The following B3GLCT variants were observed in gnomAD, a reference collection of about 807,000 sequenced individuals.
The protein encoded by B3GLCT is beta-1,3-glucosyltransferase.
In B3GLCT, 65 loss-of-function variants were observed where a neutral mutation model predicts 63.4. The observed-to-expected ratio is 1.03, with a 90% confidence interval of 0.84 to 1.26. B3GLCT has a LOEUF of 1.26. B3GLCT is among the 50% of genes most tolerant of loss of function. The pLI, the probability that B3GLCT is intolerant of heterozygous loss-of-function variation, is 0.00. For missense variants in B3GLCT, 577 were observed against 604.8 expected, an observed-to-expected ratio of 0.95 and a Z score of 0.48; for synonymous variants, 233 against 219.2, an observed-to-expected ratio of 1.06 and a Z score of -0.55.
chr13:31,241,175 T>C (rs1441441540), intron 4 of B3GLCT, among the ~76,000 whole-genome samples: 1 of 152,196 alleles, frequency 6.6e-6, no homozygotes, highest in Non-Finnish European at 1.5e-5. Context: ...ACCCCTTTGC[T>C]TCCTGGAGAA....
At chr13:31,299,736 A>T (rs1326661647) in intron 12 of B3GLCT, among the ~76,000 whole-genome samples, 1 of 152,202 alleles carries the variant, frequency 6.6e-6, no homozygotes, top group Non-Finnish European at 1.5e-5. Flanking sequence ...GGAAGTCCAC[A>T]GGGATACCTG....
intron 6 of B3GLCT, among the ~76,000 whole-genome samples, chr13:31,257,142 T>G (rs983210629): frequency 6.6e-6 from 1 of 152,180 alleles, no homozygotes; most frequent in Non-Finnish European, 1.5e-5. Context: ...AGCTGAATAC[T>G]GCAATTAAGA....
At chr13:31,269,331 T>C in intron 8 of B3GLCT, 54 bp downstream of exon 8, 1 of 1,344,996 alleles carries the variant, frequency 7.4e-7, no homozygotes, top group Non-Finnish European at 1.1e-6. Flanking sequence ...TTCATGTCCT[T>C]TGATGTAAAA....
intron 12 of B3GLCT, among the ~76,000 whole-genome samples, chr13:31,287,919 C>A (rs912559043): frequency 6.6e-6 from 1 of 151,992 alleles, no homozygotes; most frequent in Non-Finnish European, 1.5e-5. Context: ...TCAGTGAACT[C>A]GAAGACATTG....
At chr13:31,283,994 G>C (rs1374869934) in intron 10 of B3GLCT, among the ~76,000 whole-genome samples, 1 of 152,208 alleles carries the variant, frequency 6.6e-6, no homozygotes, top group African/African-American at 2.4e-5. Flanking sequence ...CTATATGTCA[G>C]GTATGCAGAC....
intron 6 of B3GLCT, among the ~76,000 whole-genome samples, chr13:31,252,352 A>G (rs1340838559): frequency 6.6e-6 from 1 of 152,248 alleles, no homozygotes; most frequent in Non-Finnish European, 1.5e-5. Context: ...TGGCAGGATC[A>G]GATTTACACA....
chr13:31,268,561 G>T (rs933846770), intron 7 of B3GLCT, among the ~76,000 whole-genome samples: 3 of 152,174 alleles, frequency 2.0e-5, no homozygotes, highest in African/African-American at 7.2e-5. Context: ...TTACAAGTTT[G>T]CTCAGTAAAG....
chr13:31,250,904 G>A (rs535119568), intron 6 of B3GLCT, among the ~76,000 whole-genome samples: 14 of 152,160 alleles, frequency 9.2e-5, no homozygotes, highest in Non-Finnish European at 2.1e-4. Flanking sequence ...CTGAACCCCC[G>A]TGTAGCCTGA....
chr13:31,308,362 A>AAAAAAAATAAAAC (rs1555254604), intron 12 of B3GLCT, among the ~76,000 whole-genome samples: 1 of 61,878 alleles, frequency 1.6e-5, no homozygotes, highest in Non-Finnish European at 3.6e-5. Flanking sequence ...AAAAAAAAAC[A>AAAAAAAATAAAAC]AAAAAAAAAG....
At position 31,247,919 on chromosome 13, in the gene B3GLCT, C is replaced by CAG. The variant is rs1871266370; in HGVS notation, c.414_415dup (p.Ile139ArgfsTer31). On this transcript the variant is annotated frameshift_variant, in exon 6 of 15. Transcript: ENST00000343307. LOFTEE classifies it high-confidence loss of function. ...CTTCTGTGAAGAAGAGACAAGAATA[C>CAG]AGATTCCAAAACTCTTGGAAACCCT... The CAG allele has an allele frequency of 6.2e-7, 1 of 1,611,374 alleles. No homozygotes were observed. The highest frequency in any genetic ancestry group is 8.5e-7 in the Non-Finnish European group (1 of 1,177,758).
chr13:31,302,315 G>T (rs571955285), intron 12 of B3GLCT, among the ~76,000 whole-genome samples: 1 of 152,208 alleles, frequency 6.6e-6, no homozygotes, highest in South Asian at 2.1e-4. Flanking sequence ...AGCTAGTCCC[G>T]GGGAGGAGCC....
intron 12 of B3GLCT, among the ~76,000 whole-genome samples, chr13:31,314,159 C>G (rs1874870523): frequency 6.6e-6 from 1 of 152,198 alleles, no homozygotes; most frequent in Non-Finnish European, 1.5e-5. Context: ...CATGGAGAAC[C>G]TATGCTAGTG....
In B3GLCT at chr13:31,261,552, T is replaced by C. The variant is rs1482148614; in HGVS notation, c.596+470T>C. Among the ~76,000 whole-genome samples, 3 of 152,344 alleles carry C rather than the reference T, an allele frequency of 2.0e-5. No homozygotes were observed. The East Asian group carries it at 5.8e-4, about 29-fold the overall frequency. On this transcript the variant is annotated intron_variant, in intron 7 of 14. Coordinates refer to ENST00000343307, the MANE Select transcript of B3GLCT (RefSeq NM_194318.4). ...GAGGGACAGCTAGTGGAAGGTACTATAGGTCGTCATACCTAGCTATTTGTG... is the reference window on the plus strand; with the variant it reads ...GAGGGACAGCTAGTGGAAGGTACTACAGGTCGTCATACCTAGCTATTTGTG...
chr13:31,206,623 G>A (rs1041492640), intron 1 of B3GLCT, among the ~76,000 whole-genome samples: 2 of 151,694 alleles, frequency 1.3e-5, no homozygotes, highest in Admixed American at 6.6e-5. Context: ...GCATGGTGGC[G>A]GGTGCTTGTA....
rs548981999 is a variant in B3GLCT, at chr13:31,215,131, C to G, written c.120+31C>G. The G allele has an allele frequency of 8.2e-6, 13 of 1,585,004 alleles. No individual in the cohort carries two copies. The East Asian group carries it at 2.7e-4, about 33-fold the overall frequency. On this transcript the variant is annotated intron_variant, in intron 2 of 14. Transcript: ENST00000343307. Reference sequence around the variant, plus strand: ...AATCCCAATGATCAAATCTTTTCCTCCCTTCTAAGATTCATTTGTATTTTC... The same window carrying G: ...AATCCCAATGATCAAATCTTTTCCTGCCTTCTAAGATTCATTTGTATTTTC...
chr13:31,285,885 T>C (rs1035292905), intron 11 of B3GLCT, among the ~76,000 whole-genome samples: 3 of 152,182 alleles, frequency 2.0e-5, no homozygotes, highest in Admixed American at 6.5e-5. Context: ...TCTGGTCTTA[T>C]TGTCTATATT....
rs573944700 is a variant in B3GLCT at position 31,286,772 on chromosome 13, G to A, written c.1017G>A (p.Gln339=). The A allele has an allele frequency of 6.2e-7, 1 of 1,613,484 alleles. No homozygotes were observed. The highest frequency in any genetic ancestry group is 1.1e-5 in the South Asian group (1 of 90,992). Residue 339 remains glutamine (Q), a synonymous_variant, in exon 12 of 15, where the codon CAG becomes CAA. Transcript: ENST00000343307. ...AILERFLNRS[Q]DKTAWLVIVD... ...TGGAAAGATTTCTGAATCGTAGCCA[G>A]GACAAAACAGCATGGTTAGTCATTG...
At chr13:31,212,237 G>T (rs918681129) in intron 1 of B3GLCT, among the ~76,000 whole-genome samples, 5 of 149,522 alleles carry the variant, frequency 3.3e-5, no homozygotes, top group Admixed American at 6.7e-5. Context: ...CTAACTAGCT[G>T]GGATGACAGG....
chr13:31,323,965 CT>C (rs1174574147), intron 14 of B3GLCT, 70 bp downstream of exon 14: 1 of 1,556,304 alleles, frequency 6.4e-7, no homozygotes, highest in African/African-American at 1.4e-5. Flanking sequence ...AAGGATTTGA[CT>C]TCTTTCTCTT....
Sources: gnomAD v4.1 joint callset for allele counts (sites outside exome capture counted in the v4.1 genomes callset) on GRCh38, gnomAD v4.1.1 for gene constraint, MANE v1.5 for transcripts, NCBI Gene and HGNC (gene_info 2026-07-23, HGNC 2026-07-21) for gene names.